Variants in PTPRQ observed in about 807,000 individuals in gnomAD.
PTPRQ encodes the protein protein tyrosine phosphatase receptor type Q, also known as phosphatidylinositol phosphatase PTPRQ.
A neutral mutation model predicts 246.0 loss-of-function variants in PTPRQ; 199 were observed. The observed-to-expected ratio is 0.81, with a 90% CI of 0.72 to 0.91. PTPRQ has a LOEUF of 0.91. PTPRQ is among the 40% of genes least tolerant of loss of function. The pLI is 0.00. For synonymous variants in PTPRQ, 869 were observed against 853.2 expected (o/e 1.02, Z -0.32); for missense variants, 2,624 against 2,528.4 (o/e 1.04, Z -0.81).
At chr12:80,515,940 A>C (rs372789464) in intron 17 of PTPRQ, among the ~76,000 whole-genome samples, 4 of 152,160 alleles carry the variant, frequency 2.6e-5, no homozygotes, top group Admixed American at 1.3e-4. Context: ...GTTTTAATCC[A>C]TTGCATTTTA....
At position 80,679,146 on chromosome 12, in the gene PTPRQ, C is replaced by T; in HGVS notation, c.*123C>T. 1 of 1,186,096 alleles carries T rather than the reference C, an allele frequency of 8.4e-7. No individual in the cohort carries two copies. Among genetic ancestry groups the T allele is most frequent in the Non-Finnish European group, 1.1e-6 (1 of 888,206 alleles). 73.5% of individuals were successfully genotyped at this position (1,186,096 alleles called of 1,614,324 possible). On this transcript the variant is annotated 3_prime_UTR_variant, in exon 45 of 45. Transcript: ENST00000644991. ...AAATATCTATGCTTCTCTCACTGTG[C>T]CTTTCCAAACGGATTGAACATTTTA...
At chr12:80,588,858 A>T (rs1327061434) in intron 26 of PTPRQ, among the ~76,000 whole-genome samples, 1 of 152,030 alleles carries the variant, frequency 6.6e-6, no homozygotes, top group Non-Finnish European at 1.5e-5. Flanking sequence ...CTTCAAACTT[A>T]CACACACACA....
chr12:80,549,338 G>A, intron 24 of PTPRQ, 127 bp from the exon 25 acceptor site: 1 of 1,213,308 alleles, frequency 8.2e-7, no homozygotes, highest in Non-Finnish European at 1.1e-6. Context: ...AGCACACATT[G>A]AAAATTTGAT....
At chr12:80,577,044 T>G (rs1897294505) in intron 25 of PTPRQ, among the ~76,000 whole-genome samples, 1 of 152,234 alleles carries the variant, frequency 6.6e-6, no homozygotes, top group African/African-American at 2.4e-5. Flanking sequence ...TTCTAAGAAC[T>G]GTTTCAGATA....
At chr12:80,604,799 T>G (rs1222020672) in intron 26 of PTPRQ, among the ~76,000 whole-genome samples, 3 of 151,520 alleles carry the variant, frequency 2.0e-5, no homozygotes, top group Non-Finnish European at 4.4e-5. Flanking sequence ...TTTCAAAATA[T>G]TATTTCAAGT....
At chr12:80,586,880 G>A (rs1456140302) in intron 25 of PTPRQ, 5 of 152,172 alleles carry the variant, frequency 3.3e-5, no homozygotes, top group Non-Finnish European at 5.9e-5. Flanking sequence ...GTTAGGTATT[G>A]TAAATAACCT....
At chr12:80,468,686 A>AT (rs1306793951) in intron 6 of PTPRQ, 24 bp from the exon 7 acceptor site, 3 of 1,514,232 alleles carry the variant, frequency 2.0e-6, no homozygotes, top group Non-Finnish European at 2.7e-6. Context: ...TATGTTATGT[A>AT]TTTATTTTCT....
chr12:80,472,309 G>A, intron 8 of PTPRQ, 58 bp downstream of exon 8: 1 of 1,523,258 alleles, frequency 6.6e-7, no homozygotes, highest in South Asian at 1.3e-5. Flanking sequence ...TTCATGAATT[G>A]GTAAAACATG....
At chr12:80,561,084 C>A (rs553841816) in intron 25 of PTPRQ, 6 of 152,622 alleles carry the variant, frequency 3.9e-5, no homozygotes, top group African/African-American at 1.4e-4. Context: ...ACAAACGATT[C>A]ATATTTCTCT....
At chr12:80,621,983 T>C in intron 32 of PTPRQ, 78 bp from the exon 33 acceptor site, 1 of 1,011,744 alleles carries the variant, frequency 9.9e-7, no homozygotes, top group Non-Finnish European at 1.4e-6. Context: ...AAATAGTTTT[T>C]ATAATTACTT....
intron 8 of PTPRQ, among the ~76,000 whole-genome samples, chr12:80,482,683 AAAAC>A (rs1380908684): frequency 2.0e-5 from 3 of 151,608 alleles, no homozygotes; most frequent in Admixed American, 6.6e-5. Flanking sequence ...TTACAAGAGA[AAAAC>A]AAACAACCCC....
At chr12:80,642,695 C>G (rs1231284814) in intron 35 of PTPRQ, among the ~76,000 whole-genome samples, 1 of 150,036 alleles carries the variant, frequency 6.7e-6, no homozygotes, top group East Asian at 2.0e-4. Context: ...CCGAGGCGGG[C>G]GGATCACGAG....
At position 80,549,504 on chromosome 12, in the gene PTPRQ, G is replaced by A; in HGVS notation, c.4055G>A (p.Ser1352Asn). 1 of 1,550,884 alleles carries A rather than the reference G, an allele frequency of 6.4e-7. No individual in the cohort carries two copies. Reference sequence around the variant, plus strand: ...CAGAATATGCAGTGCATGGCAACTAGCTGGCAGTCAGTTTTAGTGAAATGG... The same window carrying A: ...CAGAATATGCAGTGCATGGCAACTAACTGGCAGTCAGTTTTAGTGAAATGG... ...VVQNMQCMAT[S>N]WQSVLVKWDP... The change falls in exon 25 of 45, where the codon AGC (serine) becomes AAC (asparagine). Residue 1352 changes from serine to asparagine, a missense_variant. Coordinates refer to ENST00000644991, the MANE Select transcript of PTPRQ (RefSeq NM_001145026.2).
chr12:80,661,696 G>A (rs1900639952), intron 39 of PTPRQ, among the ~76,000 whole-genome samples: 1 of 151,344 alleles, frequency 6.6e-6, no homozygotes. Flanking sequence ...GCTTATATGG[G>A]TAAATAAAGA....
intron 10 of PTPRQ, among the ~76,000 whole-genome samples, chr12:80,493,803 A>C (rs1050184347): frequency 2.6e-5 from 4 of 151,984 alleles, no homozygotes; most frequent in Admixed American, 6.6e-5. Flanking sequence ...ACAGCTTTTG[A>C]CTAATAGGTT....
chr12:80,484,378 T>C (rs1389234470), intron 8 of PTPRQ, 55 bp from the exon 9 acceptor site: 4 of 1,463,126 alleles, frequency 2.7e-6, no homozygotes, highest in Non-Finnish European at 3.6e-6. Flanking sequence ...TTTTTTCACT[T>C]GAAAAAATAT....
At chr12:80,651,592 T>C (rs1900260644) in intron 37 of PTPRQ, among the ~76,000 whole-genome samples, 1 of 152,080 alleles carries the variant, frequency 6.6e-6, no homozygotes, top group Admixed American at 6.6e-5. Context: ...AGGATAACAC[T>C]GCCCAGTGTA....
At chr12:80,638,684 T>C (rs1899746530) in intron 35 of PTPRQ, among the ~76,000 whole-genome samples, 1 of 152,194 alleles carries the variant, frequency 6.6e-6, no homozygotes, top group African/African-American at 2.4e-5. Context: ...CTTTTGAAAA[T>C]GCCTTCTCTC....
intron 34 of PTPRQ, 110 bp downstream of exon 34, chr12:80,632,401 A>C: frequency 7.1e-7 from 1 of 1,411,332 alleles, no homozygotes; most frequent in Non-Finnish European, 9.6e-7. Flanking sequence ...AAACATTTTT[A>C]TTTTTAATAG....
Sources: gnomAD v4.1 joint callset for allele counts (sites outside exome capture counted in the v4.1 genomes callset) on GRCh38, gnomAD v4.1.1 for gene constraint, MANE v1.5 for transcripts, NCBI Gene and HGNC (gene_info 2026-07-23, HGNC 2026-07-21) for gene names.